Variants in KIAA1217 observed in about 807,000 individuals in gnomAD.
KIAA1217 encodes KIAA1217.
KIAA1217 carries 88 observed loss-of-function variants against 163.9 expected under a neutral mutation model. The ratio of observed to expected loss-of-function variants is 0.54; its 90% CI spans 0.45 to 0.64. The LOEUF (loss-of-function observed/expected upper bound fraction) is 0.64. Ranked by LOEUF, KIAA1217 falls within the 30% of genes least tolerant of loss-of-function variation. The probability of loss-of-function intolerance (pLI) is 0.00; values close to 1 mark genes in which losing one functional copy is unlikely to be tolerated. For synonymous variants in KIAA1217, 903 were observed against 923.1 expected, an observed-to-expected ratio of 0.98 and a Z score of 0.39; for missense variants, 2,372 against 2,475.0, an observed-to-expected ratio of 0.96 and a Z score of 0.88.
intron 2 of KIAA1217, among the ~76,000 whole-genome samples, chr10:24,307,881 A>G (rs1043057457): frequency 1.3e-5 from 2 of 152,236 alleles, no homozygotes; most frequent in African/African-American, 2.4e-5. Context: ...AAACTCCCGC[A>G]TAGCTGCCAA....
chr10:24,331,432 G>GT lies in KIAA1217; in HGVS notation c.355-49435dup, dbSNP rs1374504415. Reference sequence around the variant, plus strand: ...GAATGTATGAAAGCAGATTTCAGGTGTTGAAGAGGAAGCAGCTATCAATGC... The same window carrying GT: ...GAATGTATGAAAGCAGATTTCAGGTGTTTGAAGAGGAAGCAGCTATCAATGC... On this transcript the variant is annotated intron_variant, in intron 2 of 20. Coordinates refer to ENST00000376454, the MANE Select transcript of KIAA1217 (RefSeq NM_019590.5). 3.9e-5 allele frequency among the ~76,000 whole-genome samples: 6 copies of GT among 152,374 alleles called. No individual in the cohort carries two copies. The East Asian group carries it at 1.2e-3, about 29-fold the overall frequency.
intron 2 of KIAA1217, among the ~76,000 whole-genome samples, chr10:24,188,789 C>T (rs1222597731): frequency 6.6e-6 from 1 of 152,122 alleles, no homozygotes. Context: ...TGTCCATGGG[C>T]TTGATGATTG....
At chr10:23,719,801 C>T (rs550680770) in intron 1 of KIAA1217, among the ~76,000 whole-genome samples, 1 of 151,510 alleles carries the variant, frequency 6.6e-6, no homozygotes, top group Non-Finnish European at 1.5e-5. Context: ...GCCTGTAGTC[C>T]CAGCTACTCA....
intron 2 of KIAA1217, among the ~76,000 whole-genome samples, chr10:24,111,789 G>A (rs982972293): frequency 5.3e-5 from 8 of 151,934 alleles, no homozygotes; most frequent in African/African-American, 1.7e-4. Context: ...GTTTTTTTGC[G>A]ACAGGGTCTT....
At chr10:23,824,485 C>G (rs554779872) in intron 1 of KIAA1217, among the ~76,000 whole-genome samples, 41,420 of 144,926 alleles carry the variant, frequency 0.29, 7,044 homozygotes, top group African/African-American at 0.44. Context: ...AAAATTAGCT[C>G]AGCATGGTGA....
At chr10:24,522,838 G>T (rs968150668) in intron 12 of KIAA1217, among the ~76,000 whole-genome samples, 17 of 152,174 alleles carry the variant, frequency 1.1e-4, no homozygotes, top group African/African-American at 3.6e-4. Context: ...GGTATTACAG[G>T]CGGTGGCGTG....
chr10:24,294,650 T>C (rs893186451), intron 2 of KIAA1217, among the ~76,000 whole-genome samples: 1 of 152,354 alleles, frequency 6.6e-6, no homozygotes. Context: ...TTCAACCAAC[T>C]GCTTCAGAGC....
chr10:23,748,195 C>T (rs1390535215), intron 1 of KIAA1217, among the ~76,000 whole-genome samples: 1 of 152,134 alleles, frequency 6.6e-6, no homozygotes, highest in Non-Finnish European at 1.5e-5. Context: ...AACCTATGCA[C>T]GACATCTTTT....
In KIAA1217 at chr10:24,373,161, T is replaced by C. The variant is rs1250930375; in HGVS notation, c.355-7708T>C. ...GGACCTTTGCCAAGTATCCTAAGTG[T>C]GAGCACCTGGTTCCACCCACTCTAA... On this transcript the variant is annotated intron_variant, in intron 2 of 20. Transcript: ENST00000376454. Among the ~76,000 whole-genome samples the C allele has an allele frequency of 2.0e-5, 3 of 152,208 alleles. No homozygotes were observed. In the East Asian group the frequency reaches 5.8e-4, roughly 29 times the overall value.
chr10:24,105,131 A>G (rs2062574517), intron 2 of KIAA1217, among the ~76,000 whole-genome samples: 1 of 152,150 alleles, frequency 6.6e-6, no homozygotes, highest in Admixed American at 6.5e-5. Context: ...ATGCATGCCA[A>G]CTAACTAGAA....
intron 1 of KIAA1217, among the ~76,000 whole-genome samples, chr10:23,906,793 C>G (rs765622965): frequency 6.6e-6 from 1 of 152,050 alleles, no homozygotes; most frequent in Non-Finnish European, 1.5e-5. Context: ...GTCTTCCTGT[C>G]GGGCTGATGT....
chr10:23,766,160 G>T (rs915832146), intron 1 of KIAA1217, among the ~76,000 whole-genome samples: 26 of 152,204 alleles, frequency 1.7e-4, no homozygotes, highest in Admixed American at 6.5e-4. Flanking sequence ...TGTTCTAAAA[G>T]AAACCTCAGT....
At chr10:24,194,762 A>ATTTT (rs762968095) in intron 2 of KIAA1217, among the ~76,000 whole-genome samples, 22 of 97,968 alleles carry the variant, frequency 2.2e-4, no homozygotes, top group African/African-American at 4.3e-4. Context: ...AGCCAATTAA[A>ATTTT]TTTTTTTTTT....
At chr10:23,887,547 A>G (rs1479430193) in intron 1 of KIAA1217, among the ~76,000 whole-genome samples, 1 of 151,898 alleles carries the variant, frequency 6.6e-6, no homozygotes, top group African/African-American at 2.4e-5. Context: ...TTGTGAACAC[A>G]CACCAGCCTT....
At chr10:24,001,727 G>A (rs992447805) in intron 1 of KIAA1217, among the ~76,000 whole-genome samples, 1 of 152,192 alleles carries the variant, frequency 6.6e-6, no homozygotes, top group African/African-American at 2.4e-5. Flanking sequence ...GTTCTTGATT[G>A]TAAGAAACAG....
chr10:23,975,637 G>A (rs761126609), intron 1 of KIAA1217, among the ~76,000 whole-genome samples: 3 of 152,124 alleles, frequency 2.0e-5, no homozygotes, highest in Non-Finnish European at 2.9e-5. Context: ...CATGCTGTTG[G>A]TGGGAAAGAA....
At chr10:23,835,444 AC>A (rs1236972507) in intron 1 of KIAA1217, among the ~76,000 whole-genome samples, 4 of 151,966 alleles carry the variant, frequency 2.6e-5, no homozygotes, top group Non-Finnish European at 5.9e-5. Flanking sequence ...TAACCCCTCC[AC>A]CCCCTGCTAG....
intron 2 of KIAA1217, among the ~76,000 whole-genome samples, chr10:24,081,611 A>C (rs1473706095): frequency 6.6e-6 from 1 of 152,196 alleles, no homozygotes; most frequent in Admixed American, 6.5e-5. Context: ...GCACAGTCTA[A>C]AACAGAGGTG....
chr10:24,191,703 T>C (rs1243124724), intron 2 of KIAA1217, among the ~76,000 whole-genome samples: 1 of 152,210 alleles, frequency 6.6e-6, no homozygotes, highest in African/African-American at 2.4e-5. Context: ...GCCAGCTTCA[T>C]GGTTGAGGCA....
Sources: allele counts gnomAD v4.1 joint callset (sites outside exome capture counted in the v4.1 genomes callset), GRCh38; gene constraint gnomAD v4.1.1; transcripts MANE v1.5; gene names NCBI Gene and HGNC (gene_info 2026-07-23, HGNC 2026-07-21).